The following FAAH variants were observed in gnomAD, a reference collection of about 807,000 sequenced individuals.
FAAH encodes fatty acid amide hydrolase, also known as fatty-acid amide hydrolase 1.
A neutral mutation model predicts 69.7 loss-of-function variants in FAAH; 63 were observed. The observed-to-expected ratio is 0.90, with a 90% CI of 0.74 to 1.12. The LOEUF is 1.12. Among genes scored for constraint, FAAH ranks in the 50% most tolerant of loss-of-function variants. The probability of loss-of-function intolerance (pLI) is 0.00; values close to 1 mark genes in which losing one functional copy is unlikely to be tolerated. For synonymous variants in FAAH, 305 were observed against 324.2 expected, an observed-to-expected ratio of 0.94 and a Z score of 0.64; for missense variants, 680 against 755.0, an observed-to-expected ratio of 0.90 and a Z score of 1.16.
chr1:46,405,437 G>C lies in FAAH; in HGVS notation c.510G>C (p.Val170=), dbSNP rs778005921. The C allele has an allele frequency of 1.9e-6, 3 of 1,613,638 alleles. No homozygotes were observed. The highest frequency in any genetic ancestry group is 2.2e-5 in the South Asian group (2 of 91,078). ...TGCCGGCGGAGTGCGACAGCGTAGT[G>C]GTGCATGTGCTGAAGCTGCAGGGTG... ...EGVPAECDSV[V]VHVLKLQGAV... is the part of the protein sequence containing the mutation. The change falls in exon 4 of 15, where the codon GTG becomes GTC. Residue 170 remains valine (V), a synonymous_variant. Transcript: ENST00000243167. This position sits in a 1 kb window ranked among gnomAD's most constrained non-coding sequence, Gnocchi z 4.1.
rs45537843 is a variant in FAAH at position 46,397,437 on chromosome 1, C to T, written c.195+2894C>T. Among the ~76,000 whole-genome samples, 23 of 152,204 alleles carry T rather than the reference C, an allele frequency of 1.5e-4. No homozygotes were observed. The South Asian group carries it at 1.9e-3, about 12-fold the overall frequency. ...AGCTTGGCTCTTTCAGGAGGAGAAG[C>T]GGGAAATTACCTTTCAGGTTTCCAG... On this transcript the variant is annotated intron_variant, in intron 1 of 14. Coordinates refer to ENST00000243167, the MANE Select transcript of FAAH (RefSeq NM_001441.3).
intron 7 of FAAH, 40 bp from the exon 8 acceptor site, chr1:46,408,419 T>C (rs373186530): frequency 5.4e-5 from 87 of 1,613,852 alleles, no homozygotes; most frequent in Non-Finnish European, 7.1e-5. Flanking sequence ...TAGGGTTGTC[T>C]TCTCCTGACC....
intron 2 of FAAH, 60 bp downstream of exon 2, chr1:46,402,264 C>T: frequency 7.4e-7 from 1 of 1,343,278 alleles, no homozygotes; most frequent in Non-Finnish European, 1.0e-6. Flanking sequence ...AGGCCAGCCC[C>T]TCCCTTTCCC....
Position 46,410,224 on chromosome 1 carries a change from G to A in FAAH, c.1176-174G>A. On this transcript the variant is annotated intron_variant, in intron 9 of 14. Coordinates refer to ENST00000243167, the MANE Select transcript of FAAH (RefSeq NM_001441.3). The surrounding 1 kb of genome is among the most constrained non-coding windows in gnomAD (Gnocchi z 4.9). Reference sequence around the variant, plus strand: ...CCCGTGGATGTGGGTTGCAGCCCAGGCATCCCAAAGGATCAGCAGAAACAA... The same window carrying A: ...CCCGTGGATGTGGGTTGCAGCCCAGACATCCCAAAGGATCAGCAGAAACAA... 4.3e-6 allele frequency: 3 copies of A among 697,838 alleles called. No homozygotes were observed. The highest frequency in any genetic ancestry group is 1.6e-5 in the South Asian group (1 of 61,840). The allele number at this position is 697,838 out of a possible 1,614,324, so 43.2% of individuals were successfully genotyped here.
chr1:46,408,542 C>T lies in FAAH; in HGVS notation c.1035C>T (p.Ala345=), dbSNP rs200373668. Residue 345 remains alanine (A), a synonymous_variant, in exon 8 of 15, where the codon GCC becomes GCT. Transcript: ENST00000243167. Reference sequence around the variant, plus strand: ...TGCCCTCCCCGGCCATGAGGCGGGCCGTGCTGGAGACCAAACAGAGCCTTG... The same window carrying T: ...TGCCCTCCCCGGCCATGAGGCGGGCTGTGCTGGAGACCAAACAGAGCCTTG... ...YTMPSPAMRR[A]VLETKQSLEA... 7.4e-6 allele frequency: 12 copies of T among 1,614,194 alleles called. No homozygotes were observed. Among genetic ancestry groups the T allele is most frequent in the South Asian group, 2.2e-5 (2 of 91,090 alleles).
At position 46,411,541 on chromosome 1, in the gene FAAH, G is replaced by A. The variant is rs1664913144; in HGVS notation, c.1317-71G>A. ...AGGGGTGAGATCTAGAGGGTTGGCA[G>A]TAGGGGTCTGATGTTGCTGATCTCC... On this transcript the variant is annotated intron_variant, in intron 11 of 14. Coordinates refer to ENST00000243167, the MANE Select transcript of FAAH (RefSeq NM_001441.3). This position sits in a 1 kb window ranked among gnomAD's most constrained non-coding sequence, Gnocchi z 4.8. The A allele has an allele frequency of 3.9e-6, 6 of 1,541,146 alleles. No individual in the cohort carries two copies. In the South Asian group the frequency reaches 5.7e-5, roughly 15 times the overall value.
chr1:46,409,385 C>A, intron 9 of FAAH, 187 bp downstream of exon 9: 1 of 628,286 alleles, frequency 1.6e-6, no homozygotes, highest in Admixed American at 2.2e-5. Context: ...TGCCAGGGTG[C>A]CAGCCCGAGG....
intron 9 of FAAH, among the ~76,000 whole-genome samples, chr1:46,409,539 G>T (rs1664862848): frequency 6.6e-6 from 1 of 152,132 alleles, no homozygotes; most frequent in Admixed American, 6.5e-5. Flanking sequence ...TGGACTTGAT[G>T]CTGTGACTCC....
Position 46,410,225 on chromosome 1 carries a change from C to T in FAAH, c.1176-173C>T, listed in dbSNP as rs1317259114. 4 of 700,470 alleles carry T rather than the reference C, an allele frequency of 5.7e-6. No individual in the cohort carries two copies. In the East Asian group the frequency reaches 7.6e-5, roughly 13 times the overall value. The allele number at this position is 700,470 out of a possible 1,614,324, so 43.4% of individuals were successfully genotyped here. A position where few individuals can be genotyped will look rare whatever the true frequency, so the allele number is the denominator to read the frequency against. ...CCGTGGATGTGGGTTGCAGCCCAGG[C>T]ATCCCAAAGGATCAGCAGAAACAAA... On this transcript the variant is annotated intron_variant, in intron 9 of 14. Transcript: ENST00000243167. This position sits in a 1 kb window ranked among gnomAD's most constrained non-coding sequence, Gnocchi z 4.9.
At chr1:46,409,424 C>T in intron 9 of FAAH, 1 of 535,554 alleles carries the variant, frequency 1.9e-6, no homozygotes, top group Non-Finnish European at 3.4e-6. Context: ...CTGTGGCCTA[C>T]CCCTGATCTG....
At chr1:46,402,242 T>C in intron 2 of FAAH, 38 bp downstream of exon 2, 1 of 1,520,162 alleles carries the variant, frequency 6.6e-7, no homozygotes, top group Non-Finnish European at 8.9e-7. Context: ...CTGGGAAAGG[T>C]AAGGCCAGCC....
rs1569816936 is a variant in FAAH at position 46,406,238 on chromosome 1, C to G, written c.827-6C>G. On this transcript the variant is annotated splice_polypyrimidine_tract_variant and splice_region_variant and intron_variant, in intron 6 of 14. Transcript: ENST00000243167. ...TGCTTACCTCCCTCACCTCTCTGCC[C>G]CACAGTGCGTCTCTCCGTGGGCCCC... The G allele has an allele frequency of 1.2e-6, 2 of 1,614,060 alleles. No individual in the cohort carries two copies. Among genetic ancestry groups the G allele is most frequent in the East Asian group, 4.5e-5 (2 of 44,884 alleles).
At chr1:46,400,664 G>C (rs889640285) in intron 1 of FAAH, among the ~76,000 whole-genome samples, 3 of 148,984 alleles carry the variant, frequency 2.0e-5, no homozygotes, top group Non-Finnish European at 4.4e-5. Context: ...GAGCTTAGAG[G>C]AAGGACAGGG....
Position 46,410,088 on chromosome 1 carries a change from A to C in FAAH, c.1176-310A>C. On this transcript the variant is annotated intron_variant, in intron 9 of 14. Transcript: ENST00000243167. This position sits in a 1 kb window ranked among gnomAD's most constrained non-coding sequence, Gnocchi z 4.9. ...CTGTGCCTCCAGGCTGTACCTCCCT[A>C]AGGGGAGGTACCCTCAGGGAGGCCT... The C allele has an allele frequency of 3.2e-6, 1 of 316,786 alleles. No homozygotes were observed. Among genetic ancestry groups the C allele is most frequent in the Non-Finnish European group, 6.0e-6 (1 of 166,706 alleles). The allele number at this position is 316,786 out of a possible 1,614,324, so 19.6% of individuals were successfully genotyped here.
In FAAH at chr1:46,402,208, A is replaced by G; in HGVS notation, c.309+4A>G. On this transcript the variant is annotated splice_donor_region_variant and intron_variant, in intron 2 of 14. Transcript: ENST00000243167. Reference sequence around the variant, plus strand: ...GCTCTTCACCTATGTGGGAAAGGTAAGGCCAGCCAAGGCCAGCCCCTCCCT... The same window carrying G: ...GCTCTTCACCTATGTGGGAAAGGTAGGGCCAGCCAAGGCCAGCCCCTCCCT... The G allele has an allele frequency of 1.3e-6, 2 of 1,568,938 alleles. No individual in the cohort carries two copies. The highest frequency in any genetic ancestry group is 1.7e-6 in the Non-Finnish European group (2 of 1,159,412).
chr1:46,408,434 C>T, intron 7 of FAAH, 25 bp from the exon 8 acceptor site: 1 of 1,613,990 alleles, frequency 6.2e-7, no homozygotes, highest in African/African-American at 1.3e-5. Context: ...CTGACCTGCC[C>T]CTGTCCCCTG....
chr1:46,397,221 C>G lies in FAAH; in HGVS notation c.195+2678C>G, dbSNP rs17361936. 5.3e-5 allele frequency among the ~76,000 whole-genome samples: 8 copies of G among 152,282 alleles called. No individual in the cohort carries two copies. In the South Asian group the frequency reaches 1.5e-3, roughly 28 times the overall value. On this transcript the variant is annotated intron_variant, in intron 1 of 14. Transcript: ENST00000243167. ...AGCACTAGCAGGGATCTGCTCACAGCTCTTGCCTGCAGAACTCCCCTCCTG... is the reference window on the plus strand; with the variant it reads ...AGCACTAGCAGGGATCTGCTCACAGGTCTTGCCTGCAGAACTCCCCTCCTG...
At chr1:46,407,337 A>G (rs1342014619) in intron 7 of FAAH, among the ~76,000 whole-genome samples, 2 of 152,036 alleles carry the variant, frequency 1.3e-5, no homozygotes, top group East Asian at 3.9e-4. Flanking sequence ...GTTGGTTAAG[A>G]TTGGTTAAGA....
In FAAH at chr1:46,413,062, T is replaced by G. The variant is rs1245019116; in HGVS notation, c.1466-13T>G. 3 of 1,613,948 alleles carry G rather than the reference T, an allele frequency of 1.9e-6. No individual in the cohort carries two copies. In the South Asian group the frequency reaches 3.3e-5, roughly 18 times the overall value. ...TCTCAGGGCCTGCTGCAGCTGCCTG[T>G]AATGTGTTCCAGGGGCCGTCAGCTA... On this transcript the variant is annotated splice_polypyrimidine_tract_variant and intron_variant, in intron 13 of 14. Coordinates refer to ENST00000243167, the MANE Select transcript of FAAH (RefSeq NM_001441.3).
Sources: allele counts gnomAD v4.1 joint callset (sites outside exome capture counted in the v4.1 genomes callset), GRCh38; gene constraint gnomAD v4.1.1; non-coding constraint Gnocchi (gnomAD v3.1); transcripts MANE v1.5; gene names NCBI Gene and HGNC (gene_info 2026-07-23, HGNC 2026-07-21).